The following ZNF679 variants were observed in gnomAD, a reference collection of about 807,000 sequenced individuals.
ZNF679 encodes the protein zinc finger protein 679, also known as hypothetical protein MGC42415.
A neutral mutation model predicts 13.4 loss-of-function variants in ZNF679; 10 were observed. That is an observed-to-expected ratio of 0.75 (90% CI 0.46 to 1.27). The LOEUF (loss-of-function observed/expected upper bound fraction) is 1.27. ZNF679 is among the 50% of genes most tolerant of loss of function. The pLI is 0.00. For missense variants in ZNF679, 525 were observed against 477.8 expected (o/e 1.10, Z -0.92); for synonymous variants, 179 against 162.5 (o/e 1.10, Z -0.77).
At chr7:64,236,503 G>A (rs1251904456) in intron 1 of ZNF679, among the ~76,000 whole-genome samples, 1 of 151,940 alleles carries the variant, frequency 6.6e-6, no homozygotes, top group African/African-American at 2.4e-5. Flanking sequence ...GTCTATGGGG[G>A]CAGGGCTCAG....
chr7:64,266,835 T>G lies in ZNF679; in HGVS notation c.1202T>G (p.Met401Arg), dbSNP rs554851970. The G allele has an allele frequency of 7.5e-6, 12 of 1,592,234 alleles. No homozygotes were observed. In the Admixed American group the frequency reaches 2.1e-4, roughly 28 times the overall value. ...WSSSLANHKS[M>R]HTGEKPYKCE ...TCAAGTCTTGCTAATCATAAGAGTATGCATACTGGAGAGAAACCCTACAAA... is the reference window on the plus strand; with the variant it reads ...TCAAGTCTTGCTAATCATAAGAGTAGGCATACTGGAGAGAAACCCTACAAA... Residue 401 changes from methionine to arginine, a missense_variant, in exon 5 of 5, where the codon ATG becomes AGG. Physicochemically the swap from Met to Arg is moderately conservative, Grantham distance 91 (BLOSUM62 -1). Coordinates refer to ENST00000421025, the MANE Select transcript of ZNF679 (RefSeq NM_153363.3).
At chr7:64,251,503 T>C (rs1787944068) in intron 2 of ZNF679, among the ~76,000 whole-genome samples, 1 of 152,016 alleles carries the variant, frequency 6.6e-6, no homozygotes, top group Non-Finnish European at 1.5e-5. Flanking sequence ...TCTGACACTG[T>C]GTTGTAAAAA....
intron 1 of ZNF679, among the ~76,000 whole-genome samples, chr7:64,231,994 C>T (rs374841882): frequency 6.6e-6 from 1 of 152,186 alleles, no homozygotes; most frequent in Admixed American, 6.5e-5. Context: ...TGGACAGGAT[C>T]CATACATAAG....
chr7:64,258,163 T>C (rs1788027908), intron 2 of ZNF679, among the ~76,000 whole-genome samples: 1 of 151,578 alleles, frequency 6.6e-6, no homozygotes, highest in Admixed American at 6.6e-5. Flanking sequence ...ATGGAGAAGC[T>C]CGTTGTTCTC....
intron 1 of ZNF679, among the ~76,000 whole-genome samples, chr7:64,242,776 T>G (rs1439203580): frequency 6.6e-6 from 1 of 151,784 alleles, no homozygotes; most frequent in East Asian, 1.9e-4. Context: ...TGATTTTTTT[T>G]TTTTTAAGTA....
chr7:64,249,917 C>G (rs1010893467), intron 2 of ZNF679, among the ~76,000 whole-genome samples: 3 of 152,148 alleles, frequency 2.0e-5, no homozygotes, highest in Non-Finnish European at 4.4e-5. Context: ...TCTTGGCTCA[C>G]TGCAACTTCT....
chr7:64,242,262 A>T (rs1787808615), intron 1 of ZNF679, among the ~76,000 whole-genome samples: 1 of 152,158 alleles, frequency 6.6e-6, no homozygotes, highest in African/African-American at 2.4e-5. Context: ...GACAATTCTT[A>T]CTATTAGCCA....
intron 2 of ZNF679, among the ~76,000 whole-genome samples, chr7:64,253,697 A>G (rs1787970041): frequency 6.6e-6 from 1 of 152,230 alleles, no homozygotes; most frequent in Non-Finnish European, 1.5e-5. Context: ...ACTTTCTTTC[A>G]TAGAGAATAG....
At chr7:64,241,874 A>G (rs962861124) in intron 1 of ZNF679, among the ~76,000 whole-genome samples, 1 of 152,250 alleles carries the variant, frequency 6.6e-6, no homozygotes, top group Non-Finnish European at 1.5e-5. Flanking sequence ...GGCCAAGACA[A>G]TACAGTAAAA....
At chr7:64,258,848 T>C (rs1788038863) in intron 2 of ZNF679, among the ~76,000 whole-genome samples, 1 of 135,364 alleles carries the variant, frequency 7.4e-6, no homozygotes. Flanking sequence ...GTCCAGGGGT[T>C]CTGAAAAAAA....
intron 2 of ZNF679, among the ~76,000 whole-genome samples, chr7:64,250,856 G>A (rs903124280): frequency 6.6e-6 from 1 of 152,104 alleles, no homozygotes; most frequent in African/African-American, 2.4e-5. Context: ...CCAAGTGCTG[G>A]GATTACAGGC....
At chr7:64,252,879 G>T (rs10949883) in intron 2 of ZNF679, among the ~76,000 whole-genome samples, 64,609 of 151,984 alleles carry the variant, frequency 0.43, 16,257 homozygotes, top group African/African-American at 0.71. Flanking sequence ...CGCCATGCCC[G>T]GCTAATTTCT....
At chr7:64,256,517 A>G (rs1608778) in intron 2 of ZNF679, among the ~76,000 whole-genome samples, 57,182 of 151,956 alleles carry the variant, frequency 0.38, 12,632 homozygotes, top group East Asian at 0.83. Flanking sequence ...GGTTAAACAA[A>G]TTTATACGCT....
chr7:64,228,698 G>A (rs1787593791), intron 1 of ZNF679, 46 bp downstream of exon 1: 1 of 152,214 alleles, frequency 6.6e-6, no homozygotes, highest in Non-Finnish European at 1.5e-5. Flanking sequence ...ACACTGGACA[G>A]GATCCGTGCA....
intron 2 of ZNF679, 119 bp from the exon 3 acceptor site, chr7:64,260,102 A>G (rs1205187726): frequency 1.2e-6 from 1 of 863,384 alleles, no homozygotes; most frequent in African/African-American, 1.7e-5. Context: ...CACTCTTATA[A>G]GTGAGAAACA....
rs899994922 is a variant in ZNF679, at chr7:64,231,866, G to A, written c.-91+3214G>A. Among the ~76,000 whole-genome samples the A allele has an allele frequency of 7.2e-5, 11 of 152,174 alleles. No individual in the cohort carries two copies. In the East Asian group the frequency reaches 1.5e-3, roughly 21 times the overall value. On this transcript the variant is annotated intron_variant, in intron 1 of 4. Coordinates refer to ENST00000421025, the MANE Select transcript of ZNF679 (RefSeq NM_153363.3). ...CTAGGCAAAGGTAGATGTCACAATC[G>A]CACTTGCAGAAAGATCCAGAAATAA...
intron 2 of ZNF679, among the ~76,000 whole-genome samples, chr7:64,255,642 T>C (rs1281512195): frequency 2.0e-5 from 3 of 151,608 alleles, no homozygotes; most frequent in African/African-American, 7.3e-5. Context: ...AGAGTCTTGC[T>C]CTGTCACCCA....
intron 4 of ZNF679, 77 bp from the exon 5 acceptor site, chr7:64,265,819 T>C: frequency 6.7e-7 from 1 of 1,482,788 alleles, no homozygotes; most frequent in South Asian, 1.4e-5. Context: ...CCTTGTATAA[T>C]TTTATATATT....
At chr7:64,246,683 A>G (rs1336520351) in intron 1 of ZNF679, among the ~76,000 whole-genome samples, 1 of 152,156 alleles carries the variant, frequency 6.6e-6, no homozygotes, top group South Asian at 2.1e-4. Flanking sequence ...AGATGGTGCC[A>G]CTGCACTCCA....
Sources: gnomAD v4.1 joint callset for allele counts (sites outside exome capture counted in the v4.1 genomes callset) on GRCh38, gnomAD v4.1.1 for gene constraint, MANE v1.5 for transcripts, NCBI Gene and HGNC (gene_info 2026-07-23, HGNC 2026-07-21) for gene names.